Variants in SP4 observed in about 807,000 individuals in gnomAD.
SP4 encodes transcription factor Sp4.
A neutral mutation model predicts 72.8 loss-of-function variants in SP4; 19 were observed. The observed-to-expected ratio is 0.26, with a 90% CI of 0.18 to 0.38. The LOEUF is 0.38. Ranked by LOEUF, SP4 falls within the 10% of genes least tolerant of loss-of-function variation. The pLI is 1.00. For synonymous variants in SP4, 395 were observed against 333.1 expected, an observed-to-expected ratio of 1.19 and a Z score of -2.02; for missense variants, 1,008 against 926.3, an observed-to-expected ratio of 1.09 and a Z score of -1.14.
intron 3 of SP4, among the ~76,000 whole-genome samples, chr7:21,449,440 G>T (rs1327269033): frequency 6.6e-6 from 1 of 152,042 alleles, no homozygotes; most frequent in Non-Finnish European, 1.5e-5. Context: ...TTGTGGCAAA[G>T]AATCTTATTA....
chr7:21,439,510 T>G (rs1783165836), intron 3 of SP4, among the ~76,000 whole-genome samples: 1 of 151,522 alleles, frequency 6.6e-6, no homozygotes, highest in African/African-American at 2.4e-5. Flanking sequence ...CTTTCTTTTC[T>G]TTCCTTTTTT....
intron 3 of SP4, among the ~76,000 whole-genome samples, chr7:21,473,946 G>A (rs1784419870): frequency 6.6e-6 from 1 of 152,204 alleles, no homozygotes; most frequent in Admixed American, 6.5e-5. Flanking sequence ...TGGAAATAAA[G>A]CAGTATGTTG....
chr7:21,508,070 G>A (rs1341011962), intron 5 of SP4, among the ~76,000 whole-genome samples: 1 of 151,934 alleles, frequency 6.6e-6, no homozygotes, highest in Non-Finnish European at 1.5e-5. Context: ...TCCCTGTGTC[G>A]CCTCTGCTGC....
intron 3 of SP4, among the ~76,000 whole-genome samples, chr7:21,457,120 C>T (rs1214969236): frequency 6.6e-6 from 1 of 152,130 alleles, no homozygotes. Flanking sequence ...CCTATAACTT[C>T]CTAAATAAAA....
chr7:21,467,996 T>A (rs996135171), intron 3 of SP4, among the ~76,000 whole-genome samples: 6 of 152,180 alleles, frequency 3.9e-5, no homozygotes, highest in Non-Finnish European at 8.8e-5. Context: ...GGTAGATAGA[T>A]AAATAGTTTT....
chr7:21,429,677 T>C lies in SP4; in HGVS notation c.512T>C (p.Leu171Pro), dbSNP rs1484266455. ...GTACAGTACCAAGTAATTCCACAAC[T>C]TCAGACAGTGGAAGGTCAACAAATT... ...GSVQYQVIPQ[L>P]QTVEGQQIQI... The change falls in exon 3 of 6, where the codon CTT becomes CCT. Residue 171 changes from leucine to proline, a missense_variant. This residue lies in a region of SP4 where 893 missense variants were observed against 743.3 expected (regional missense o/e 1.20). Transcript: ENST00000222584. 18 of 1,613,950 alleles carry C rather than the reference T, an allele frequency of 1.1e-5. No homozygotes were observed. Among genetic ancestry groups the C allele is most frequent in the Middle Eastern group, 1.6e-4 (1 of 6,084 alleles).
intron 3 of SP4, among the ~76,000 whole-genome samples, chr7:21,445,484 C>T (rs2107448): frequency 0.52 from 79,731 of 151,920 alleles, 21,480 homozygotes; most frequent in Middle Eastern, 0.68. Flanking sequence ...TTGTTTTCTG[C>T]TGGATAAATA....
Position 21,430,272 on chromosome 7 carries a change from G to T in SP4, c.1107G>T (p.Glu369Asp). 1 of 1,614,242 alleles carries T rather than the reference G, an allele frequency of 6.2e-7. No individual in the cohort carries two copies. The highest frequency in any genetic ancestry group is 1.1e-5 in the South Asian group (1 of 91,084). Reference protein sequence around the residue: ...IEESQTPAATESEAQSSSQLQ... With the variant: ...IEESQTPAATDSEAQSSSQLQ... ...AATCTCAAACACCTGCTGCTACTGAGTCTGAAGCCCAGAGCTCCAGTCAGC... is the reference window on the plus strand; with the variant it reads ...AATCTCAAACACCTGCTGCTACTGATTCTGAAGCCCAGAGCTCCAGTCAGC... The change falls in exon 3 of 6, where the codon GAG becomes GAT. Residue 369 changes from glutamate to aspartate, a missense_variant. Physicochemically the swap from Glu to Asp is conservative, Grantham distance 45. Around this residue, in one of 3 missense-constraint regions of SP4, gnomAD observed 893 missense variants for 743.3 expected, o/e 1.20. Coordinates refer to ENST00000222584, the MANE Select transcript of SP4 (RefSeq NM_003112.5).
intron 5 of SP4, among the ~76,000 whole-genome samples, chr7:21,507,753 TTC>T (rs1782036817): frequency 2.0e-5 from 3 of 152,120 alleles, no homozygotes; most frequent in South Asian, 4.1e-4. Context: ...GGCCTAGAAT[TTC>T]TGTTTCCCAT....
chr7:21,458,819 C>T (rs1199264899), intron 3 of SP4, among the ~76,000 whole-genome samples: 1 of 151,960 alleles, frequency 6.6e-6, no homozygotes, highest in Non-Finnish European at 1.5e-5. Flanking sequence ...AGAGAAAAAT[C>T]TGTGGCCAGT....
chr7:21,435,942 G>C (rs1032616418), intron 3 of SP4, among the ~76,000 whole-genome samples: 1 of 151,668 alleles, frequency 6.6e-6, no homozygotes, highest in Non-Finnish European at 1.5e-5. Flanking sequence ...TCGTTCTGTC[G>C]CCCAGGCTGG....
At position 21,429,516 on chromosome 7, in the gene SP4, T is replaced by C. The variant is rs1782757859; in HGVS notation, c.351T>C (p.Val117=). ...STPPASKENN[V]SQPASSSSSS... ...CTCCTGCTTCAAAAGAGAATAACGTTTCTCAACCAGCCTCTAGTTCGTCTA... is the reference window on the plus strand; with the variant it reads ...CTCCTGCTTCAAAAGAGAATAACGTCTCTCAACCAGCCTCTAGTTCGTCTA... The change falls in exon 3 of 6, where the codon GTT becomes GTC. Residue 117 remains valine, a synonymous_variant. Coordinates refer to ENST00000222584, the MANE Select transcript of SP4 (RefSeq NM_003112.5). 1 of 1,614,068 alleles carries C rather than the reference T, an allele frequency of 6.2e-7. No homozygotes were observed. Among genetic ancestry groups the C allele is most frequent in the Admixed American group, 1.7e-5 (1 of 60,012 alleles).
intron 5 of SP4, among the ~76,000 whole-genome samples, chr7:21,490,520 G>A (rs1047516418): frequency 6.6e-6 from 1 of 152,158 alleles, no homozygotes; most frequent in East Asian, 1.9e-4. Flanking sequence ...TCTGAAGGTG[G>A]TCCCAGTCGT....
chr7:21,486,273 T>C (rs565076121), intron 5 of SP4, among the ~76,000 whole-genome samples: 1 of 152,158 alleles, frequency 6.6e-6, no homozygotes, highest in Non-Finnish European at 1.5e-5. Context: ...AAAGCTAGCA[T>C]AGAGTTCGCA....
intron 5 of SP4, among the ~76,000 whole-genome samples, chr7:21,488,090 C>T (rs866128983): frequency 6.6e-6 from 1 of 152,086 alleles, no homozygotes; most frequent in African/African-American, 2.4e-5. Flanking sequence ...GTGTTGAACT[C>T]CTGAGCTCAA....
intron 3 of SP4, among the ~76,000 whole-genome samples, chr7:21,443,520 G>A (rs899793906): frequency 1.6e-4 from 25 of 152,194 alleles, no homozygotes; most frequent in Non-Finnish European, 2.2e-4. Flanking sequence ...GCCTTTTAAT[G>A]TGGCCAGTCA....
chr7:21,503,454 C>A (rs1781918892), intron 5 of SP4, among the ~76,000 whole-genome samples: 1 of 152,148 alleles, frequency 6.6e-6, no homozygotes, highest in Non-Finnish European at 1.5e-5. Flanking sequence ...GAGTTTGAGT[C>A]ATTCTTTCTA....
At chr7:21,453,837 C>G (rs1562596658) in intron 3 of SP4, among the ~76,000 whole-genome samples, 2 of 152,164 alleles carry the variant, frequency 1.3e-5, no homozygotes, top group South Asian at 4.1e-4. Context: ...CTAACGTGTT[C>G]ACACAGGATT....
intron 3 of SP4, among the ~76,000 whole-genome samples, chr7:21,442,038 ATTTTTTTT>A (rs11300598): frequency 1.1e-5 from 1 of 93,304 alleles, no homozygotes; most frequent in Admixed American, 1.3e-4. Context: ...GTGTGTGTGT[ATTTTTTTT>A]TTTTTTTTTT....
Sources: gnomAD v4.1 joint callset for allele counts (sites outside exome capture counted in the v4.1 genomes callset) on GRCh38, gnomAD v4.1.1 for gene constraint, gnomAD v4.1.1 regional missense constraint, MANE v1.5 for transcripts, NCBI Gene and HGNC (gene_info 2026-07-23, HGNC 2026-07-21) for gene names.